The following CNTN5 variants were observed in gnomAD, a reference collection of about 807,000 sequenced individuals.
The protein encoded by CNTN5 is contactin 5.
Under a neutral mutation model 129.1 loss-of-function variants are expected in CNTN5, and 77 were observed. The ratio of observed to expected loss-of-function variants is 0.60; its 90% CI spans 0.50 to 0.72. CNTN5 has a LOEUF of 0.72. CNTN5 is among the 30% of genes least tolerant of loss of function. CNTN5 has a pLI of 0.00. For synonymous variants in CNTN5, 509 were observed against 465.6 expected (o/e 1.09, Z -1.20); for missense variants, 1,478 against 1,328.8 (o/e 1.11, Z -1.75).
rs1161925784 is a variant in CNTN5 at position 100,021,292 on chromosome 11, TAGTG to T, written c.980+19161_980+19164del. 2.0e-5 allele frequency among the ~76,000 whole-genome samples: 3 copies of T among 152,200 alleles called. No homozygotes were observed. The South Asian group carries it at 6.2e-4, about 31-fold the overall frequency. On this transcript the variant is annotated intron_variant, in intron 9 of 24. Transcript: ENST00000524871. ...CACATGGGAATTTACATACTGCTGT[TAGTG>T]AGTGGACTAGTCTACAAATGTCAAA...
At chr11:99,813,596 T>C (rs1946494882) in intron 3 of CNTN5, among the ~76,000 whole-genome samples, 1 of 152,108 alleles carries the variant, frequency 6.6e-6, no homozygotes, top group African/African-American at 2.4e-5. Context: ...AGACTAAAGA[T>C]GAAATTCCTC....
chr11:99,707,311 TAGTA>T (rs1453284955), intron 3 of CNTN5, among the ~76,000 whole-genome samples: 6 of 151,592 alleles, frequency 4.0e-5, no homozygotes, highest in African/African-American at 9.7e-5. Context: ...TTACAAATCT[TAGTA>T]AGTCTTTTCA....
At chr11:99,585,982 T>G (rs1949780053) in intron 3 of CNTN5, among the ~76,000 whole-genome samples, 1 of 152,170 alleles carries the variant, frequency 6.6e-6, no homozygotes, top group Non-Finnish European at 1.5e-5. Context: ...TCCTCTGAAT[T>G]CAGTCAGCTA....
intron 13 of CNTN5, among the ~76,000 whole-genome samples, chr11:100,131,028 AGGGGT>A (rs1946358431): frequency 6.6e-6 from 1 of 152,142 alleles, no homozygotes; most frequent in Non-Finnish European, 1.5e-5. Flanking sequence ...GGGCTACCTA[AGGGGT>A]CTCCCTGAAA....
intron 7 of CNTN5, among the ~76,000 whole-genome samples, chr11:99,955,786 G>A (rs1950787100): frequency 1.3e-5 from 2 of 151,798 alleles, no homozygotes; most frequent in South Asian, 2.1e-4. Context: ...GGATAGTCTC[G>A]ATCTCCTAAC....
At chr11:99,130,285 G>A (rs1220673960) in intron 1 of CNTN5, among the ~76,000 whole-genome samples, 2 of 152,000 alleles carry the variant, frequency 1.3e-5, no homozygotes, top group Non-Finnish European at 2.9e-5. Flanking sequence ...CAAACAAATA[G>A]AAAGAAGAAA....
chr11:99,577,723 A>G (rs1949404665), intron 3 of CNTN5, among the ~76,000 whole-genome samples: 1 of 152,098 alleles, frequency 6.6e-6, no homozygotes, highest in Admixed American at 6.5e-5. Context: ...TTGAAAACAA[A>G]GTTTGGACAG....
chr11:100,253,317 C>T (rs565849153), intron 16 of CNTN5, among the ~76,000 whole-genome samples: 1 of 152,250 alleles, frequency 6.6e-6, no homozygotes, highest in South Asian at 2.1e-4. Context: ...GTGATTTGAG[C>T]AAATAACTTC....
intron 3 of CNTN5, among the ~76,000 whole-genome samples, chr11:99,617,205 C>G (rs376026980): frequency 2.0e-5 from 3 of 152,154 alleles, no homozygotes; most frequent in Non-Finnish European, 4.4e-5. Context: ...TTAAGATATG[C>G]TAACTAGTCT....
At chr11:99,277,859 T>C (rs1311436682) in intron 1 of CNTN5, among the ~76,000 whole-genome samples, 2 of 151,684 alleles carry the variant, frequency 1.3e-5, no homozygotes, top group Admixed American at 1.3e-4. Context: ...ACAGAAGTAT[T>C]TGTAAAACCA....
chr11:100,138,526 T>C (rs1182401478), intron 13 of CNTN5, among the ~76,000 whole-genome samples: 1 of 151,960 alleles, frequency 6.6e-6, no homozygotes, highest in Admixed American at 6.6e-5. Context: ...GGAATTAGGA[T>C]TTTGGCTTCA....
intron 18 of CNTN5, among the ~76,000 whole-genome samples, chr11:100,286,704 C>T (rs532786419): frequency 6.7e-6 from 1 of 150,066 alleles, no homozygotes; most frequent in African/African-American, 2.5e-5. Flanking sequence ...AGTGCCTCTC[C>T]TCCTCCAAAG....
At chr11:99,396,424 ATTATG>A (rs1400711153) in intron 2 of CNTN5, among the ~76,000 whole-genome samples, 1 of 151,614 alleles carries the variant, frequency 6.6e-6, no homozygotes, top group Non-Finnish European at 1.5e-5. Context: ...ATAATAAAAA[ATTATG>A]TTATTTATAG....
At chr11:99,606,660 T>G (rs368316804) in intron 3 of CNTN5, among the ~76,000 whole-genome samples, 15,061 of 115,282 alleles carry the variant, frequency 0.13, 1,493 homozygotes, top group Non-Finnish European at 0.17. Context: ...AGCCAAAAGA[T>G]CAAAGCTGGA....
At chr11:99,564,637 TA>T (rs1948946030) in intron 3 of CNTN5, among the ~76,000 whole-genome samples, 1 of 152,222 alleles carries the variant, frequency 6.6e-6, no homozygotes, top group Non-Finnish European at 1.5e-5. Context: ...TAATCATAAT[TA>T]CTGTAGCCTA....
Position 100,255,783 on chromosome 11 carries a change from G to A in CNTN5, c.2029G>A (p.Val677Ile). The change falls in exon 17 of 25, where the codon GTA becomes ATA. Residue 677 changes from valine (V) to isoleucine (I), a missense_variant. Physicochemically the swap from Val to Ile is conservative, Grantham distance 29. Coordinates refer to ENST00000524871, the MANE Select transcript of CNTN5 (RefSeq NM_014361.4). ...AGGACCCCCAGGCCCACCTGGGATA[G>A]TAATTGTTGAGGAAATAACCGAAAG... Reference protein sequence around the residue: ...VRGPPGPPGIVIVEEITESTA... With the variant: ...VRGPPGPPGIIIVEEITESTA... 1 of 1,613,882 alleles carries A rather than the reference G, an allele frequency of 6.2e-7. No homozygotes were observed. Among genetic ancestry groups the A allele is most frequent in the Non-Finnish European group, 8.5e-7 (1 of 1,179,808 alleles).
At chr11:99,197,271 TAA>T (rs1440318222) in intron 1 of CNTN5, among the ~76,000 whole-genome samples, 1 of 151,880 alleles carries the variant, frequency 6.6e-6, no homozygotes, top group South Asian at 2.1e-4. Flanking sequence ...TCTCAAAACT[TAA>T]GAGTACATAA....
chr11:99,530,237 G>C (rs755310701), intron 2 of CNTN5, among the ~76,000 whole-genome samples: 12 of 152,074 alleles, frequency 7.9e-5, no homozygotes, highest in Non-Finnish European at 1.8e-4. Context: ...CTCTCCTTAA[G>C]ATACTATAAA....
At position 99,979,303 on chromosome 11, in the gene CNTN5, G is replaced by A. The variant is rs182762597; in HGVS notation, c.877+22294G>A. On this transcript the variant is annotated intron_variant, in intron 8 of 24. Transcript: ENST00000524871. Reference sequence around the variant, plus strand: ...TATTTCAGAGGTACAAATAGGACAGGAACTGAACTCCACAGGGCCCTTAGA... The same window carrying A: ...TATTTCAGAGGTACAAATAGGACAGAAACTGAACTCCACAGGGCCCTTAGA... Among the ~76,000 whole-genome samples, 1,167 of 152,174 alleles carry A rather than the reference G, an allele frequency of 7.7e-3. 13 individuals are homozygous for A. The highest frequency in any genetic ancestry group is 8.5e-3 in the Non-Finnish European group (579 of 67,998).
Sources: allele counts gnomAD v4.1 joint callset (sites outside exome capture counted in the v4.1 genomes callset), GRCh38; gene constraint gnomAD v4.1.1; transcripts MANE v1.5; gene names NCBI Gene and HGNC (gene_info 2026-07-23, HGNC 2026-07-21).